ALPK3: variants seen among roughly 807,000 people sequenced by gnomAD.
ALPK3 encodes the protein alpha kinase 3, also known as alpha-protein kinase 3.
A neutral mutation model predicts 140.0 loss-of-function variants in ALPK3; 102 were observed. The observed-to-expected ratio is 0.73, with a 90% CI of 0.62 to 0.86. ALPK3 has a LOEUF of 0.86. ALPK3 is among the 40% of genes least tolerant of loss of function. ALPK3 has a pLI of 0.00. For missense variants in ALPK3, 2,254 were observed against 2,208.2 expected (o/e 1.02, Z -0.42); for synonymous variants, 938 against 898.5 (o/e 1.04, Z -0.79).
At chr15:84,841,267 G>A (rs1963663378) in intron 5 of ALPK3, among the ~76,000 whole-genome samples, 1 of 152,230 alleles carries the variant, frequency 6.6e-6, no homozygotes, top group Non-Finnish European at 1.5e-5. Context: ...GGGCTTTGCT[G>A]AGGCAACAGT....
chr15:84,868,185 A>T lies in ALPK3; in HGVS notation c.4847A>T (p.Tyr1616Phe), dbSNP rs1383160502. Residue 1616 changes from tyrosine (Y) to phenylalanine (F), a missense_variant, in exon 14 of 14, where the codon TAC becomes TTC. By Grantham distance (22) the Tyr-to-Phe change is conservative (BLOSUM62 3). This residue lies in a region of ALPK3 where 158 missense variants were observed against 159.8 expected (regional missense o/e 0.99). Transcript: ENST00000258888. ...GCCTCCTCCCACCAGTGCAATGCCT[A>T]CTGTGAGCTGCTGGGGCTGACACCT... Reference protein sequence around the residue: ...RFASSHQCNAYCELLGLTPLK... With the variant: ...RFASSHQCNAFCELLGLTPLK... The T allele has an allele frequency of 1.2e-6, 2 of 1,613,988 alleles. No individual in the cohort carries two copies. The highest frequency in any genetic ancestry group is 1.7e-6 in the Non-Finnish European group (2 of 1,179,996).
In ALPK3 at chr15:84,847,208, G is replaced by GGAGAGAGA. The variant is rs55944419; in HGVS notation, c.1653+6310_1653+6317dup. Among the ~76,000 whole-genome samples the GGAGAGAGA allele has an allele frequency of 7.3e-3, 854 of 116,556 alleles. 11 individuals carry two copies. The highest frequency in any genetic ancestry group is 0.01 in the Non-Finnish European group (594 of 58,040). 76.5% of individuals were successfully genotyped at this position (116,556 alleles called of 152,430 possible). Reference sequence around the variant, plus strand: ...GAGAGAGGAAGGGAGGGAGAAACGGGGAGAGAGAGAGAGAGAGAGAGAGAG... The same window carrying GGAGAGAGA: ...GAGAGAGGAAGGGAGGGAGAAACGGGGAGAGAGAGAGAGAGAGAGAGAGAGAGAGAGAG... On this transcript the variant is annotated intron_variant, in intron 5 of 13. Coordinates refer to ENST00000258888, the MANE Select transcript of ALPK3 (RefSeq NM_020778.5).
chr15:84,830,441 T>G (rs997004424), intron 3 of ALPK3, among the ~76,000 whole-genome samples: 1 of 152,242 alleles, frequency 6.6e-6, no homozygotes, highest in South Asian at 2.1e-4. Context: ...GCAGAGGGCA[T>G]AGTGATGGCA....
At chr15:84,858,829 G>T (rs577002179) in intron 6 of ALPK3, among the ~76,000 whole-genome samples, 6 of 152,318 alleles carry the variant, frequency 3.9e-5, no homozygotes, top group Admixed American at 3.9e-4. Context: ...CACAGGGCCT[G>T]GCTTTAGTAG....
chr15:84,861,860 T>G lies in ALPK3; in HGVS notation c.4130-775T>G, dbSNP rs150757964. Among the ~76,000 whole-genome samples, 707 of 152,328 alleles carry G rather than the reference T, an allele frequency of 4.6e-3. 4 individuals are homozygous for G. Among genetic ancestry groups the G allele is most frequent in the African/African-American group, 0.016 (656 of 41,572 alleles). Reference sequence around the variant, plus strand: ...TGAGGGAGGAGATTGGATTCTTTTTTTTGTTGTTGCAACTATGAATACATG... The same window carrying G: ...TGAGGGAGGAGATTGGATTCTTTTTGTTGTTGTTGCAACTATGAATACATG... On this transcript the variant is annotated intron_variant, in intron 9 of 13. Transcript: ENST00000258888.
chr15:84,860,133 C>T, intron 9 of ALPK3, 61 bp downstream of exon 9: 3 of 1,587,452 alleles, frequency 1.9e-6, no homozygotes, highest in Admixed American at 1.7e-5. Flanking sequence ...AGGGAGGACC[C>T]TCTTTAAGGG....
At chr15:84,866,350 C>G (rs1422372475) in intron 12 of ALPK3, among the ~76,000 whole-genome samples, 1 of 152,168 alleles carries the variant, frequency 6.6e-6, no homozygotes, top group Non-Finnish European at 1.5e-5. Context: ...CATTACTATC[C>G]TCACCTTTAC....
At chr15:84,826,895 T>C (rs1334560103) in intron 2 of ALPK3, among the ~76,000 whole-genome samples, 2 of 151,824 alleles carry the variant, frequency 1.3e-5, no homozygotes, top group African/African-American at 4.8e-5. Flanking sequence ...TGAATTAGAG[T>C]CCCCCCTTGG....
At chr15:84,851,099 G>A (rs1306213567) in intron 5 of ALPK3, among the ~76,000 whole-genome samples, 15 of 152,170 alleles carry the variant, frequency 9.9e-5, no homozygotes, top group Non-Finnish European at 2.9e-5. Flanking sequence ...CAGAATGGGG[G>A]TATAATGATG....
At chr15:84,822,243 T>C (rs1963435116) in intron 1 of ALPK3, among the ~76,000 whole-genome samples, 1 of 152,018 alleles carries the variant, frequency 6.6e-6, no homozygotes, top group Non-Finnish European at 1.5e-5. Context: ...GATTTGGGGT[T>C]GGAGAAGAAG....
intron 5 of ALPK3, among the ~76,000 whole-genome samples, chr15:84,850,286 C>A (rs1200749166): frequency 6.6e-6 from 1 of 152,174 alleles, no homozygotes; most frequent in Non-Finnish European, 1.5e-5. Flanking sequence ...GGGTTATAAA[C>A]CATACTATTT....
At position 84,857,082 on chromosome 15, in the gene ALPK3, G is replaced by A. The variant is rs763620385; in HGVS notation, c.2344G>A (p.Ala782Thr). The change falls in exon 6 of 14, where the codon GCC (alanine) becomes ACC (threonine). Residue 782 changes from alanine (A) to threonine (T), a missense_variant. Transcript: ENST00000258888. ...CAGATCTGAGGAGGCAGTAGTAACA[G>A]CCTCCAGGAACCATGAGCAAACTGT... ...LPRSEEAVVT[A>T]SRNHEQTVLG... 5.6e-6 allele frequency: 9 copies of A among 1,614,110 alleles called. No homozygotes were observed. Among genetic ancestry groups the A allele is most frequent in the Non-Finnish European group, 7.6e-6 (9 of 1,180,040 alleles).
At chr15:84,849,999 G>GGA (rs1963783375) in intron 5 of ALPK3, among the ~76,000 whole-genome samples, 1 of 72,844 alleles carries the variant, frequency 1.4e-5, no homozygotes, top group Non-Finnish European at 2.9e-5. Flanking sequence ...GCAAGACTTA[G>GGA]AAAAAAAAAA....
rs377166800 is a variant in ALPK3, at chr15:84,857,572, G to T, written c.2834G>T (p.Arg945Leu). ...ACAQVPDVEG[R>L]TPGPRSCDPG... ...GCCCAGGTACCAGATGTGGAGGGGC[G>T]GACCCCAGGTCCCCGGAGCTGTGAC... Residue 945 changes from arginine (R) to leucine (L), a missense_variant, in exon 6 of 14, where the codon CGG becomes CTG. Arg to Leu is a moderately radical substitution (Grantham distance 102, BLOSUM62 -2). Around this residue, in one of 3 missense-constraint regions of ALPK3, gnomAD observed 2,088 missense variants for 2,022.9 expected, o/e 1.03. Coordinates refer to ENST00000258888, the MANE Select transcript of ALPK3 (RefSeq NM_020778.5). 4 of 1,574,938 alleles carry T rather than the reference G, an allele frequency of 2.5e-6. No homozygotes were observed. In the Admixed American group the frequency reaches 7.1e-5, roughly 28 times the overall value.
intron 3 of ALPK3, among the ~76,000 whole-genome samples, chr15:84,834,402 C>G (rs1006135417): frequency 6.6e-6 from 1 of 152,184 alleles, no homozygotes; most frequent in Non-Finnish European, 1.5e-5. Flanking sequence ...GGGATTTCCT[C>G]GTCCTTAAAT....
In ALPK3 at chr15:84,840,922, C is replaced by T; in HGVS notation, c.1643C>T (p.Thr548Ile). ...TTGCAGGGGCAAGCAGGCCACAGGACTCCAGGAGAGGTAAGTGTGGGTGTT... is the reference window on the plus strand; with the variant it reads ...TTGCAGGGGCAAGCAGGCCACAGGATTCCAGGAGAGGTAAGTGTGGGTGTT... ...STLQGQAGHRTPGEVLECQTT... is the reference protein window; with the variant it reads ...STLQGQAGHRIPGEVLECQTT... Residue 548 changes from threonine (T) to isoleucine (I), a missense_variant, in exon 5 of 14, where the codon ACT becomes ATT. Around this residue, in one of 3 missense-constraint regions of ALPK3, gnomAD observed 2,088 missense variants for 2,022.9 expected, o/e 1.03. Transcript: ENST00000258888. 1 of 1,587,314 alleles carries T rather than the reference C, an allele frequency of 6.3e-7. No individual in the cohort carries two copies. Among genetic ancestry groups the T allele is most frequent in the South Asian group, 1.1e-5 (1 of 87,616 alleles).
In ALPK3 at chr15:84,823,852, A is replaced by AG. The variant is rs61375529; in HGVS notation, c.182+486dup. On this transcript the variant is annotated intron_variant, in intron 2 of 13. Coordinates refer to ENST00000258888, the MANE Select transcript of ALPK3 (RefSeq NM_020778.5). ...CAGCCTTCTGAGTAGCGGGGACTACAGGCATGCACCATGATGCCTGGCTAA... is the reference window on the plus strand; with the variant it reads ...CAGCCTTCTGAGTAGCGGGGACTACAGGGCATGCACCATGATGCCTGGCTAA... Among the ~76,000 whole-genome samples, 341 of 152,320 alleles carry AG rather than the reference A, an allele frequency of 2.2e-3. 1 individual carries two copies. The highest frequency in any genetic ancestry group is 7.9e-3 in the African/African-American group (330 of 41,566).
chr15:84,857,607 A>G lies in ALPK3; in HGVS notation c.2869A>G (p.Ile957Val), dbSNP rs534659024. Residue 957 changes from isoleucine (I) to valine (V), a missense_variant, in exon 6 of 14, where the codon ATA becomes GTA. Transcript: ENST00000258888. ...PGPRSCDPGL[I>V]DSLKNYLLLL... is the part of the protein sequence containing the mutation. ...TCCCCGGAGCTGTGACCCTGGCCTC[A>G]TAGATTCCCTGAAGAACTACCTGCT... 7.0e-6 allele frequency: 11 copies of G among 1,576,138 alleles called. No homozygotes were observed. Among genetic ancestry groups the G allele is most frequent in the African/African-American group, 1.3e-5 (1 of 74,280 alleles).
In ALPK3 at chr15:84,840,714, A is replaced by G; in HGVS notation, c.1435A>G (p.Asn479Asp). 1 of 1,613,270 alleles carries G rather than the reference A, an allele frequency of 6.2e-7. No individual in the cohort carries two copies. Among genetic ancestry groups the G allele is most frequent in the Non-Finnish European group, 8.5e-7 (1 of 1,179,620 alleles). ...GACCCCCCAGCCGACTAGGCCTTTC[A>G]ACAGAAAGAGATTTGCCCCTCCAAA... ...SLTPQPTRPF[N>D]RKRFAPPKPK... The change falls in exon 5 of 14, where the codon AAC becomes GAC. Residue 479 changes from asparagine (N) to aspartate (D), a missense_variant. Asn to Asp is a conservative substitution (Grantham distance 23). Coordinates refer to ENST00000258888, the MANE Select transcript of ALPK3 (RefSeq NM_020778.5).
Sources: gnomAD v4.1 joint callset for allele counts (sites outside exome capture counted in the v4.1 genomes callset) on GRCh38, gnomAD v4.1.1 for gene constraint, gnomAD v4.1.1 regional missense constraint, MANE v1.5 for transcripts, NCBI Gene and HGNC (gene_info 2026-07-23, HGNC 2026-07-21) for gene names.